Variants in SLC24A2 observed in about 807,000 individuals in gnomAD.
SLC24A2 encodes the protein sodium/potassium/calcium exchanger 2.
SLC24A2 carries 36 observed loss-of-function variants against 62.0 expected under a neutral mutation model. The ratio of observed to expected loss-of-function variants is 0.58; its 90% CI spans 0.44 to 0.77. The LOEUF is 0.77. SLC24A2 is among the 30% of genes least tolerant of loss of function. The probability of loss-of-function intolerance (pLI) is 0.00; values close to 1 mark genes in which losing one functional copy is unlikely to be tolerated. For synonymous variants in SLC24A2, 358 were observed against 294.0 expected (o/e 1.22, Z -2.23); for missense variants, 846 against 817.9 (o/e 1.03, Z -0.42).
At chr9:20,002,984 C>T in the SLC24A2 span, among the ~76,000 whole-genome samples, 1 of 152,142 alleles carries the variant, frequency 6.6e-6, no homozygotes, top group South Asian at 2.1e-4. Flanking sequence ...GGTCTGTTGT[C>T]AGCATCCTGA....
chr9:19,528,264 A>C, intron 8 of SLC24A2, 126 bp from the exon 9 acceptor site: 1 of 720,370 alleles, frequency 1.4e-6, no homozygotes, highest in African/African-American at 1.7e-5. Context: ...TAGGATTGGC[A>C]ATCAAAAGAC....
chr9:19,522,749 A>AT (rs1833261576), intron 9 of SLC24A2, among the ~76,000 whole-genome samples: 1 of 152,134 alleles, frequency 6.6e-6, no homozygotes, highest in Non-Finnish European at 1.5e-5. Context: ...CTTAATACTG[A>AT]TTTGCTGAGT....
intron 2 of SLC24A2, among the ~76,000 whole-genome samples, chr9:19,638,440 GA>G (rs1426730283): frequency 6.6e-6 from 1 of 152,120 alleles, no homozygotes. Context: ...TCTCTCTATT[GA>G]ATACAAAATC....
Position 19,726,287 on chromosome 9 carries a change from A to G in SLC24A2, c.930+59650T>C, listed in dbSNP as rs146501471. ...ACATTCTAATTGCCTGGAAAGGAAT[A>G]TAACTTCAAGAGTATATGCAACCAA... On this transcript the variant is annotated intron_variant, in intron 2 of 10. Coordinates refer to ENST00000341998, the MANE Select transcript of SLC24A2 (RefSeq NM_020344.4). Among the ~76,000 whole-genome samples the G allele has an allele frequency of 1.2e-4, 19 of 152,356 alleles. 2 individuals carry two copies. Among genetic ancestry groups the G allele is most frequent in the African/African-American group, 4.3e-4 (18 of 41,586 alleles).
rs369361831 is a variant in SLC24A2, at chr9:19,640,888, C to T, written c.931-18589G>A. Among the ~76,000 whole-genome samples the T allele has an allele frequency of 6.0e-4, 92 of 152,298 alleles. 1 individual carries two copies. The highest frequency in any genetic ancestry group is 2.2e-3 in the African/African-American group (90 of 41,558). ...ATTTTGTGCCTGAGTGCCATCCTCACCTTACCCTAATTCCAGCCCTGGGTG... is the reference window on the plus strand; with the variant it reads ...ATTTTGTGCCTGAGTGCCATCCTCATCTTACCCTAATTCCAGCCCTGGGTG... On this transcript the variant is annotated intron_variant, in intron 2 of 10. Transcript: ENST00000341998.
chr9:19,942,444 T>C, the SLC24A2 span, among the ~76,000 whole-genome samples: 1 of 152,292 alleles, frequency 6.6e-6, no homozygotes, highest in Middle Eastern at 3.4e-3. Context: ...CCAGGTGATA[T>C]CGAGGTCACA....
chr9:20,002,075 G>A, the SLC24A2 span, among the ~76,000 whole-genome samples: 1 of 152,148 alleles, frequency 6.6e-6, no homozygotes, highest in African/African-American at 2.4e-5. Flanking sequence ...TGCTTTAGTG[G>A]AACATACTTA....
chr9:20,125,339 G>A, the SLC24A2 span, among the ~76,000 whole-genome samples: 6 of 152,134 alleles, frequency 3.9e-5, no homozygotes, highest in Non-Finnish European at 8.8e-5. Flanking sequence ...CTTGACTAAG[G>A]TCACAAAAGT....
Position 19,573,403 on chromosome 9 carries a change from T to G in SLC24A2, c.1295A>C (p.Glu432Ala). The G allele has an allele frequency of 6.2e-7, 1 of 1,613,878 alleles. No homozygotes were observed. Among genetic ancestry groups the G allele is most frequent in the Non-Finnish European group, 8.5e-7 (1 of 1,179,886 alleles). The stretch of plus-strand genomic sequence containing the variant: ...GGAGAGATTTCCATTTTGTACAGGT[T>G]CTGAAGCATCACTGGATGGTGTCAT... ...VEMTPSSDAS[E>A]PVQNGNLSHN... The change falls in exon 7 of 11, where the codon GAA becomes GCA. Residue 432 changes from glutamate to alanine, a missense_variant. Coordinates refer to ENST00000341998, the MANE Select transcript of SLC24A2 (RefSeq NM_020344.4).
chr9:20,150,186 T>C, the SLC24A2 span, among the ~76,000 whole-genome samples: 1 of 152,026 alleles, frequency 6.6e-6, no homozygotes, highest in Admixed American at 6.6e-5. Context: ...TTCTGTTGTG[T>C]TAAACCACTG....
intron 7 of SLC24A2, among the ~76,000 whole-genome samples, chr9:19,555,959 G>A (rs895237405): frequency 6.6e-5 from 10 of 152,158 alleles, no homozygotes; most frequent in African/African-American, 2.4e-4. Flanking sequence ...AAAGACTCAA[G>A]AAAGAGAATA....
the SLC24A2 span, among the ~76,000 whole-genome samples, chr9:19,954,293 G>A: frequency 6.6e-6 from 1 of 152,008 alleles, no homozygotes; most frequent in African/African-American, 2.4e-5. Context: ...ATCTAGCTAT[G>A]GAAATAAGAT....
the SLC24A2 span, among the ~76,000 whole-genome samples, chr9:19,940,043 C>T: frequency 6.6e-6 from 1 of 152,220 alleles, no homozygotes; most frequent in African/African-American, 2.4e-5. Context: ...TCACGACACC[C>T]TTGGGGGTTT....
At chr9:19,569,360 T>G (rs923160403) in intron 7 of SLC24A2, among the ~76,000 whole-genome samples, 8 of 152,242 alleles carry the variant, frequency 5.3e-5, no homozygotes, top group Non-Finnish European at 1.0e-4. Context: ...TTTTCTATTC[T>G]GATCCCTCTT....
intron 2 of SLC24A2, among the ~76,000 whole-genome samples, chr9:19,745,441 T>C (rs185368832): frequency 2.0e-5 from 3 of 152,272 alleles, no homozygotes; most frequent in Admixed American, 1.3e-4. Context: ...CCAAGAGAAG[T>C]AATATCAGCA....
chr9:19,833,361 T>C, the SLC24A2 span, among the ~76,000 whole-genome samples: 16 of 152,134 alleles, frequency 1.1e-4, no homozygotes, highest in African/African-American at 3.6e-4. Flanking sequence ...ACTTGGAAAA[T>C]TGGGTCACTC....
At chr9:19,611,092 AC>A (rs1002439468) in intron 4 of SLC24A2, among the ~76,000 whole-genome samples, 20 of 152,180 alleles carry the variant, frequency 1.3e-4, no homozygotes, top group Admixed American at 9.8e-4. Context: ...CAAAAGGTTG[AC>A]TGAGTAAGGC....
chr9:20,006,335 G>C, the SLC24A2 span, among the ~76,000 whole-genome samples: 1 of 151,690 alleles, frequency 6.6e-6, no homozygotes, highest in African/African-American at 2.4e-5. Flanking sequence ...AGGGTAGTGG[G>C]TGAGGGGAGG....
chr9:19,636,792 T>C (rs1165192040), intron 2 of SLC24A2, among the ~76,000 whole-genome samples: 2 of 152,090 alleles, frequency 1.3e-5, no homozygotes, highest in African/African-American at 4.8e-5. Flanking sequence ...GGACAGTTTG[T>C]GAAATTTCTG....
Sources: allele counts gnomAD v4.1 joint callset (sites outside exome capture counted in the v4.1 genomes callset), GRCh38; gene constraint gnomAD v4.1.1; transcripts MANE v1.5; gene names NCBI Gene and HGNC (gene_info 2026-07-23, HGNC 2026-07-21).